The following PREPL variants were observed in gnomAD, a reference collection of about 807,000 sequenced individuals.
PREPL encodes prolyl endopeptidase-like.
A neutral mutation model predicts 70.6 loss-of-function variants in PREPL; 77 were observed. The observed-to-expected ratio is 1.09, with a 90% CI of 0.91 to 1.32. PREPL has a LOEUF of 1.32. PREPL is among the 40% of genes most tolerant of loss of function. The pLI is 0.00. For missense variants in PREPL, 1,002 were observed against 778.2 expected, an observed-to-expected ratio of 1.29 and a Z score of -3.42; for synonymous variants, 315 against 264.8, an observed-to-expected ratio of 1.19 and a Z score of -1.84.
intron 10 of PREPL, among the ~76,000 whole-genome samples, chr2:44,324,150 A>G (rs1238971523): frequency 1.3e-5 from 2 of 152,242 alleles, no homozygotes; most frequent in Non-Finnish European, 2.9e-5. Flanking sequence ...AACCTCAAGG[A>G]TATAATCTAA....
At position 44,334,836 on chromosome 2, in the gene PREPL, T is replaced by C. The variant is rs368659351; in HGVS notation, c.889-2180A>G. Among the ~76,000 whole-genome samples, 555 of 152,360 alleles carry C rather than the reference T, an allele frequency of 3.6e-3. 2 individuals are homozygous for C. The highest frequency in any genetic ancestry group is 0.013 in the African/African-American group (538 of 41,588). ...CTCAGGTGATCCGCCTGCCTTGGTCTCCCAAAGTGCTGGGATTACAGGCTG... is the reference window on the plus strand; with the variant it reads ...CTCAGGTGATCCGCCTGCCTTGGTCCCCCAAAGTGCTGGGATTACAGGCTG... On this transcript the variant is annotated intron_variant, in intron 7 of 13. Coordinates refer to ENST00000409411, the MANE Select transcript of PREPL (RefSeq NM_001171613.2).
At chr2:44,330,105 T>A (rs1673941596) in intron 8 of PREPL, among the ~76,000 whole-genome samples, 1 of 152,230 alleles carries the variant, frequency 6.6e-6, no homozygotes, top group South Asian at 2.1e-4. Flanking sequence ...ACTTTCACTT[T>A]TAGTAAGATT....
rs769571471 is a variant in PREPL, at chr2:44,320,545, T to A, written c.*811A>T. 57 of 1,614,050 alleles carry A rather than the reference T, an allele frequency of 3.5e-5. No individual in the cohort carries two copies. Among genetic ancestry groups the A allele is most frequent in the Non-Finnish European group, 4.5e-5 (53 of 1,179,924 alleles). ...ATCTTTGAACACAACACGAAGAATC[T>A]CCTTCATCGCCAAACAGCTTTCAGA... is the stretch of plus-strand genomic sequence containing the variant. On this transcript the variant is annotated 3_prime_UTR_variant, in exon 14 of 14. Coordinates refer to ENST00000409411, the MANE Select transcript of PREPL (RefSeq NM_001171613.2).
chr2:44,320,972 T>A lies in PREPL; in HGVS notation c.*384A>T, dbSNP rs1672889930. On this transcript the variant is annotated 3_prime_UTR_variant, in exon 14 of 14. Coordinates refer to ENST00000409411, the MANE Select transcript of PREPL (RefSeq NM_001171613.2). Reference sequence around the variant, plus strand: ...TCCCTTAAAATGCAGTCATAGAAATTAGAGGATGACTCACTGCCACAGTGT... The same window carrying A: ...TCCCTTAAAATGCAGTCATAGAAATAAGAGGATGACTCACTGCCACAGTGT... The A allele has an allele frequency of 7.5e-6, 3 of 398,826 alleles. No individual in the cohort carries two copies. The highest frequency in any genetic ancestry group is 2.6e-5 in the South Asian group (1 of 39,190). The allele number at this position is 398,826 out of a possible 1,614,324, so 24.7% of individuals were successfully genotyped here. A position where few individuals can be genotyped will look rare whatever the true frequency, so the allele number is the denominator to read the frequency against.
chr2:44,326,973 A>C lies in PREPL; in HGVS notation c.1263-45T>G, dbSNP rs1673569100. ...AAGTTTTAGTGGAAAAAAAAAGTTA[A>C]TACTGTAGGCTGGGGTCAGCGAACT... On this transcript the variant is annotated intron_variant, in intron 9 of 13. Coordinates refer to ENST00000409411, the MANE Select transcript of PREPL (RefSeq NM_001171613.2). 4 of 1,535,478 alleles carry C rather than the reference A, an allele frequency of 2.6e-6. No individual in the cohort carries two copies. The South Asian group carries it at 4.6e-5, about 18-fold the overall frequency.
chr2:44,355,748 A>G (rs911898326), intron 1 of PREPL, among the ~76,000 whole-genome samples: 4 of 96,332 alleles, frequency 4.2e-5, no homozygotes, highest in African/African-American at 1.9e-4. Context: ...ACAAAACTAC[A>G]TATTATATAT....
At chr2:44,359,910 A>G in intron 1 of PREPL, 1 of 542,714 alleles carries the variant, frequency 1.8e-6, no homozygotes, top group Non-Finnish European at 3.3e-6. Flanking sequence ...AAATCTAAAA[A>G]CCTGTGTAAG....
At chr2:44,342,199 T>G (rs898598234) in intron 5 of PREPL, among the ~76,000 whole-genome samples, 2 of 152,170 alleles carry the variant, frequency 1.3e-5, no homozygotes, top group African/African-American at 4.8e-5. Flanking sequence ...TCAATTTCAG[T>G]TTTTAATAAA....
At position 44,320,798 on chromosome 2, in the gene PREPL, G is replaced by C. The variant is rs928863060; in HGVS notation, c.*558C>G. On this transcript the variant is annotated 3_prime_UTR_variant, in exon 14 of 14. Coordinates refer to ENST00000409411, the MANE Select transcript of PREPL (RefSeq NM_001171613.2). Reference sequence around the variant, plus strand: ...TTTAAGAAAGGTTCTCAAATGTTTTGAAAAAAATAAAATGTTTAAAAGTAA... The same window carrying C: ...TTTAAGAAAGGTTCTCAAATGTTTTCAAAAAAATAAAATGTTTAAAAGTAA... The C allele has an allele frequency of 5.9e-6, 4 of 672,828 alleles. No individual in the cohort carries two copies. Among genetic ancestry groups the C allele is most frequent in the African/African-American group, 3.6e-5 (2 of 54,960 alleles). 41.7% of individuals were successfully genotyped at this position (672,828 alleles called of 1,614,324 possible).
intron 5 of PREPL, among the ~76,000 whole-genome samples, chr2:44,341,622 A>G (rs1489123018): frequency 6.6e-6 from 1 of 152,036 alleles, no homozygotes; most frequent in Non-Finnish European, 1.5e-5. Context: ...AAGAGAATAT[A>G]CGAAATATAA....
At chr2:44,348,692 A>G (rs978698592) in intron 1 of PREPL, among the ~76,000 whole-genome samples, 1 of 152,194 alleles carries the variant, frequency 6.6e-6, no homozygotes, top group African/African-American at 2.4e-5. Context: ...CTGAACCAAA[A>G]TAACTCTGAA....
chr2:44,328,898 G>T (rs1480856347), intron 9 of PREPL, 39 bp downstream of exon 9: 5 of 1,565,834 alleles, frequency 3.2e-6, no homozygotes, highest in African/African-American at 1.4e-5. Context: ...TCTCACAATG[G>T]TCTAGCACTT....
intron 2 of PREPL, 27 bp downstream of exon 2, chr2:44,346,241 T>G (rs768529290): frequency 1.3e-6 from 2 of 1,587,200 alleles, no homozygotes; most frequent in Non-Finnish European, 1.7e-6. Context: ...ATCAAAAATT[T>G]TTTTTTAAAG....
Position 44,320,182 on chromosome 2 carries a change from C to CT in PREPL, c.*1173dup, listed in dbSNP as rs1558478193. On this transcript the variant is annotated 3_prime_UTR_variant, in exon 14 of 14. Transcript: ENST00000409411. ...TTAGAATCAAACACTTACGTAAATA[C>CT]TTTTTTAAAAAAATAGGTCCAAAAG... 6 of 1,599,660 alleles carry CT rather than the reference C, an allele frequency of 3.8e-6. No individual in the cohort carries two copies. The highest frequency in any genetic ancestry group is 3.4e-6 in the Non-Finnish European group (4 of 1,168,098).
chr2:44,349,471 C>A (rs540502539), intron 1 of PREPL, among the ~76,000 whole-genome samples: 1 of 152,076 alleles, frequency 6.6e-6, no homozygotes, highest in South Asian at 2.1e-4. Context: ...CATAAATCCA[C>A]AGCAATTGAA....
chr2:44,336,811 GT>G (rs1363832068), intron 7 of PREPL, among the ~76,000 whole-genome samples: 1 of 152,076 alleles, frequency 6.6e-6, no homozygotes, highest in Non-Finnish European at 1.5e-5. Context: ...CACCATTTTG[GT>G]TTTAGGACAC....
At chr2:44,343,211 T>C (rs1675415805) in intron 4 of PREPL, among the ~76,000 whole-genome samples, 1 of 152,186 alleles carries the variant, frequency 6.6e-6, no homozygotes, top group African/African-American at 2.4e-5. Context: ...GAGAAAATGA[T>C]GGCTGAAAAT....
At position 44,318,312 on chromosome 2, in the gene PREPL, G is replaced by C. The variant is rs182449087; in HGVS notation, c.*3044C>G. The C allele has an allele frequency of 3.5e-3, 846 of 244,106 alleles. 5 individuals are homozygous for C. The highest frequency in any genetic ancestry group is 0.018 in the African/African-American group (768 of 42,384). The allele number at this position is 244,106 out of a possible 1,614,324, so 15.1% of individuals were successfully genotyped here. ...TCACCATGTTGGCCAGGCTGGTCTT[G>C]AACTCCTGACCTCTGGTGATCTGTC... On this transcript the variant is annotated 3_prime_UTR_variant, in exon 14 of 14. Transcript: ENST00000409411.
chr2:44,360,594 A>T, intron 1 of PREPL: 1 of 152,320 alleles, frequency 6.6e-6, no homozygotes, highest in Non-Finnish European at 1.5e-5. Flanking sequence ...TTGATTGCTA[A>T]TAAGTAGTTA....
Sources: allele counts gnomAD v4.1 joint callset (sites outside exome capture counted in the v4.1 genomes callset), GRCh38; gene constraint gnomAD v4.1.1; transcripts MANE v1.5; gene names NCBI Gene and HGNC (gene_info 2026-07-23, HGNC 2026-07-21).